The following NAV2 variants were observed in gnomAD, a reference collection of about 807,000 sequenced individuals.
NAV2 encodes helicase, APC down-regulated 1.
NAV2 carries 54 observed loss-of-function variants against 223.2 expected under a neutral mutation model. The observed-to-expected ratio is 0.24, with a 90% CI of 0.19 to 0.30. NAV2 has a LOEUF of 0.30. NAV2 is among the 10% of genes least tolerant of loss of function. The pLI, the probability that NAV2 is intolerant of heterozygous loss-of-function variation, is 1.00. For missense variants in NAV2, 2,806 were observed against 3,147.5 expected, an observed-to-expected ratio of 0.89 and a Z score of 2.60; for synonymous variants, 1,279 against 1,239.3, an observed-to-expected ratio of 1.03 and a Z score of -0.67.
chr11:20,081,092 A>G (rs1463695713), intron 25 of NAV2, among the ~76,000 whole-genome samples: 2 of 152,090 alleles, frequency 1.3e-5, no homozygotes, highest in Non-Finnish European at 2.9e-5. Flanking sequence ...CTTCTCACTC[A>G]TTTTGTGTTA....
chr11:19,622,806 T>C (rs1217995408), intron 1 of NAV2, among the ~76,000 whole-genome samples: 1 of 152,208 alleles, frequency 6.6e-6, no homozygotes, highest in Non-Finnish European at 1.5e-5. Flanking sequence ...ATCCTGTCAT[T>C]ATGATGTTAG....
chr11:20,047,441 C>G (rs1208084965), intron 14 of NAV2, among the ~76,000 whole-genome samples: 1 of 151,964 alleles, frequency 6.6e-6, no homozygotes, highest in East Asian at 1.9e-4. Context: ...ACTAACAGAC[C>G]AAAGATTAGA....
In NAV2 at chr11:20,099,012, T is replaced by C. The variant is rs2061461925; in HGVS notation, c.6181+1267T>C. 2.0e-5 allele frequency among the ~76,000 whole-genome samples: 3 copies of C among 152,260 alleles called. No individual in the cohort carries two copies. The South Asian group carries it at 6.2e-4, about 32-fold the overall frequency. On this transcript the variant is annotated intron_variant, in intron 31 of 37. Transcript: ENST00000349880. ...AAGGAAAGAGGGGTTTTTGGGAAAA[T>C]GTAACAGATAATTCCTAGGGATGAC...
At chr11:19,744,891 C>A (rs968964292) in intron 1 of NAV2, among the ~76,000 whole-genome samples, 1 of 152,148 alleles carries the variant, frequency 6.6e-6, no homozygotes, top group Non-Finnish European at 1.5e-5. Context: ...TCCTGGTAGG[C>A]ATTTTGGTTA....
chr11:19,958,321 G>A (rs1431371454), intron 10 of NAV2, among the ~76,000 whole-genome samples: 1 of 152,220 alleles, frequency 6.6e-6, no homozygotes, highest in Non-Finnish European at 1.5e-5. Flanking sequence ...AAAGCACTGA[G>A]ACCAAGGGAA....
At chr11:19,496,144 G>A (rs969606506) in intron 1 of NAV2, among the ~76,000 whole-genome samples, 1 of 152,174 alleles carries the variant, frequency 6.6e-6, no homozygotes, top group African/African-American at 2.4e-5. Context: ...GAGTCACAAA[G>A]TGACTATTTT....
At chr11:19,963,297 A>T (rs73432253) in intron 10 of NAV2, among the ~76,000 whole-genome samples, 2,816 of 152,266 alleles carry the variant, frequency 0.018, 92 homozygotes, top group African/African-American at 0.064. Flanking sequence ...AAGCTCTGAG[A>T]GGTGAAGTTA....
chr11:19,363,332 T>C (rs771259163), intron 1 of NAV2, among the ~76,000 whole-genome samples: 6 of 152,228 alleles, frequency 3.9e-5, no homozygotes, highest in Non-Finnish European at 7.3e-5. Flanking sequence ...TATGGCTGCA[T>C]AGTATTCCAT....
chr11:20,011,257 T>C (rs2053541815), intron 11 of NAV2, among the ~76,000 whole-genome samples: 1 of 152,212 alleles, frequency 6.6e-6, no homozygotes, highest in South Asian at 2.1e-4. Flanking sequence ...TGTGATTTTC[T>C]TGTTTTTTTT....
chr11:19,484,668 C>A (rs2042385616), intron 1 of NAV2, among the ~76,000 whole-genome samples: 1 of 152,194 alleles, frequency 6.6e-6, no homozygotes, highest in Non-Finnish European at 1.5e-5. Context: ...TTGACCCAGA[C>A]CCCTTCCTCA....
chr11:19,946,829 T>G (rs1369264342), intron 9 of NAV2, among the ~76,000 whole-genome samples: 1 of 152,360 alleles, frequency 6.6e-6, no homozygotes, highest in East Asian at 1.9e-4. Context: ...GCAGGTGAAC[T>G]ATATTTGACC....
intron 1 of NAV2, among the ~76,000 whole-genome samples, chr11:19,515,642 G>A (rs924214978): frequency 6.6e-6 from 1 of 152,148 alleles, no homozygotes; most frequent in South Asian, 2.1e-4. Flanking sequence ...TGACAACCCA[G>A]AGTACAAAAG....
At chr11:19,608,056 A>G (rs971862336) in intron 1 of NAV2, among the ~76,000 whole-genome samples, 1 of 152,158 alleles carries the variant, frequency 6.6e-6, no homozygotes, top group Admixed American at 6.5e-5. Flanking sequence ...CTGAAGAAAA[A>G]ACAATAACAA....
chr11:20,074,760 C>CCCTTTTTTTTTTTTTTT (rs56895607), intron 22 of NAV2, among the ~76,000 whole-genome samples: 1 of 110,262 alleles, frequency 9.1e-6, no homozygotes, highest in African/African-American at 3.8e-5. Flanking sequence ...TGCAACTCTG[C>CCCTTTTTTTTTTTTTTT]TTTTTTTTTT....
intron 1 of NAV2, among the ~76,000 whole-genome samples, chr11:19,761,771 T>C (rs2152543651): frequency 6.6e-6 from 1 of 152,322 alleles, no homozygotes; most frequent in African/African-American, 2.4e-5. Flanking sequence ...CCTACCCTCA[T>C]CCTCATCTCC....
At chr11:19,400,421 C>T (rs943428724) in intron 1 of NAV2, among the ~76,000 whole-genome samples, 9 of 152,174 alleles carry the variant, frequency 5.9e-5, no homozygotes, top group Non-Finnish European at 1.2e-4. Context: ...TACCTTCCTT[C>T]AATCTCCTGG....
At chr11:19,996,420 A>C (rs58542721) in intron 11 of NAV2, among the ~76,000 whole-genome samples, 6,136 of 152,342 alleles carry the variant, frequency 0.04, 177 homozygotes, top group African/African-American at 0.082. Context: ...CTCAGCAAAA[A>C]GAAAGCCCAA....
intron 1 of NAV2, among the ~76,000 whole-genome samples, chr11:19,468,786 A>G (rs2041867389): frequency 1.3e-5 from 2 of 152,190 alleles, no homozygotes; most frequent in African/African-American, 4.8e-5. Flanking sequence ...CTGCATAGTG[A>G]GGTCCTTCTC....
chr11:19,787,750 C>T (rs1328723051), intron 1 of NAV2, among the ~76,000 whole-genome samples: 3 of 152,070 alleles, frequency 2.0e-5, no homozygotes, highest in African/African-American at 7.2e-5. Context: ...GGAAGCCTCC[C>T]AAATCTAGGA....
Sources: gnomAD v4.1 joint callset for allele counts (sites outside exome capture counted in the v4.1 genomes callset) on GRCh38, gnomAD v4.1.1 for gene constraint, MANE v1.5 for transcripts, NCBI Gene and HGNC (gene_info 2026-07-23, HGNC 2026-07-21) for gene names.